The following MAP3K21 variants were observed in gnomAD, a reference collection of about 807,000 sequenced individuals.
The protein encoded by MAP3K21 is mitogen-activated protein kinase kinase kinase MLK4.
In MAP3K21, 63 loss-of-function variants were observed where a neutral mutation model predicts 86.1. The ratio of observed to expected loss-of-function variants is 0.73; its 90% CI spans 0.60 to 0.90. MAP3K21 has a LOEUF of 0.90. MAP3K21 is among the 40% of genes least tolerant of loss of function. The pLI, the probability that MAP3K21 is intolerant of heterozygous loss-of-function variation, is 0.00. For missense variants in MAP3K21, 1,220 were observed against 1,367.7 expected, an observed-to-expected ratio of 0.89 and a Z score of 1.70; for synonymous variants, 558 against 564.8, an observed-to-expected ratio of 0.99 and a Z score of 0.17.
intron 1 of MAP3K21, among the ~76,000 whole-genome samples, chr1:233,331,532 T>A (rs1292454503): frequency 6.6e-6 from 1 of 152,234 alleles, no homozygotes; most frequent in Non-Finnish European, 1.5e-5. Context: ...TATTGCAGTA[T>A]GTTTTGTTTG....
chr1:233,372,430 A>G (rs1028051382), intron 6 of MAP3K21: 8 of 420,916 alleles, frequency 1.9e-5, no homozygotes, highest in African/African-American at 1.0e-4. Context: ...ATCTCGAGAC[A>G]TTCTGTTAAA....
chr1:233,344,182 T>C (rs1663089689), intron 1 of MAP3K21, among the ~76,000 whole-genome samples: 1 of 152,096 alleles, frequency 6.6e-6, no homozygotes, highest in African/African-American at 2.4e-5. Context: ...TTCAATGCCA[T>C]CCCCATCAAG....
rs1163879980 is a variant in MAP3K21 at position 233,346,634 on chromosome 1, C to T, written c.986+12C>T. On this transcript the variant is annotated intron_variant, in intron 2 of 9. Coordinates refer to ENST00000366624, the MANE Select transcript of MAP3K21 (RefSeq NM_032435.3). ...AGCGACATCTGGAGGTGAGCCTTTC[C>T]TTTTGCAAACATCGGCAGAAACTGC... The T allele has an allele frequency of 6.2e-7, 1 of 1,611,292 alleles. No homozygotes were observed. Among genetic ancestry groups the T allele is most frequent in the Non-Finnish European group, 8.5e-7 (1 of 1,178,614 alleles).
chr1:233,366,723 C>T (rs1294254), intron 5 of MAP3K21, among the ~76,000 whole-genome samples: 118,509 of 152,178 alleles, frequency 0.78, 46,256 homozygotes, highest in East Asian at 1. Flanking sequence ...CTTTCAAAAA[C>T]TTGGTATTAA....
chr1:233,382,115 T>C (rs921740135), intron 9 of MAP3K21, among the ~76,000 whole-genome samples, 190 bp from the exon 10 acceptor site: 9 of 152,246 alleles, frequency 5.9e-5, no homozygotes, highest in South Asian at 2.1e-4. Flanking sequence ...GCAGAGTTCC[T>C]TGGTCCTTAA....
chr1:233,353,984 TG>T (rs762984534), intron 3 of MAP3K21, 29 bp downstream of exon 3: 10 of 1,440,172 alleles, frequency 6.9e-6, no homozygotes, highest in South Asian at 1.6e-5. Flanking sequence ...TGTGTCTTTG[TG>T]GGGGCAAGAA....
Position 233,328,049 on chromosome 1 carries a change from G to T in MAP3K21, c.21G>T (p.Ala7=), listed in dbSNP as rs1474857590. ...CCCCCATGGCTTTGCGGGGCGCCGC[G>T]GGAGCGACCGACACCCCGGTGTCCT... is the stretch of plus-strand genomic sequence containing the variant. MALRGA[A]GATDTPVSSA... The change falls in exon 1 of 10, where the codon GCG becomes GCT. Residue 7 remains alanine (A), a synonymous_variant. Transcript: ENST00000366624. The surrounding 1 kb of genome is among the most constrained non-coding windows in gnomAD (Gnocchi z 8.7). 7.6e-7 allele frequency: 1 copy of T among 1,319,826 alleles called. No individual in the cohort carries two copies. Among genetic ancestry groups the T allele is most frequent in the South Asian group, 2.1e-5 (1 of 48,516 alleles). The allele number at this position is 1,319,826 out of a possible 1,614,324, so 81.8% of individuals were successfully genotyped here.
At position 233,375,901 on chromosome 1, in the gene MAP3K21, TA is replaced by T; in HGVS notation, c.1676-13del. 5 of 1,602,938 alleles carry T rather than the reference TA, an allele frequency of 3.1e-6. No individual in the cohort carries two copies. Among genetic ancestry groups the T allele is most frequent in the Non-Finnish European group, 4.3e-6 (5 of 1,171,030 alleles). On this transcript the variant is annotated splice_polypyrimidine_tract_variant and intron_variant, in intron 6 of 9. Transcript: ENST00000366624. The stretch of plus-strand genomic sequence containing the variant: ...TGATTGTTGTGGTTAATATGGTTAA[TA>T]ATGTTCTTTTTAGTGACTTCAGATG...
intron 1 of MAP3K21, among the ~76,000 whole-genome samples, chr1:233,340,569 G>A (rs887375462): frequency 9.9e-5 from 15 of 152,050 alleles, no homozygotes; most frequent in African/African-American, 1.4e-4. Context: ...TAGTGAGTGG[G>A]GTATGTGTCC....
At chr1:233,332,707 A>ATGGTT (rs755222635) in intron 1 of MAP3K21, among the ~76,000 whole-genome samples, 3 of 152,226 alleles carry the variant, frequency 2.0e-5, no homozygotes, top group Admixed American at 1.3e-4. Context: ...ATTCCCAAGG[A>ATGGTT]TGGTTTGAAA....
chr1:233,375,239 GC>G (rs910152728), intron 6 of MAP3K21, among the ~76,000 whole-genome samples: 4 of 152,238 alleles, frequency 2.6e-5, no homozygotes, highest in African/African-American at 9.6e-5. Flanking sequence ...ATGGCGCCTG[GC>G]CCCAAATCAC....
intron 4 of MAP3K21, among the ~76,000 whole-genome samples, chr1:233,358,588 A>C (rs569746750): frequency 1.3e-5 from 2 of 152,234 alleles, no homozygotes; most frequent in South Asian, 4.1e-4. Context: ...AGAAAGAAAT[A>C]AAGCTTCAAA....
intron 2 of MAP3K21, among the ~76,000 whole-genome samples, chr1:233,352,870 A>T (rs1200276496): frequency 3.9e-5 from 6 of 152,248 alleles, no homozygotes; most frequent in Non-Finnish European, 7.3e-5. Context: ...GTTTTGAAGA[A>T]GAATAAGAGA....
chr1:233,372,104 G>T lies in MAP3K21; in HGVS notation c.1619G>T (p.Ser540Ile), dbSNP rs989907220. 6.2e-7 allele frequency: 1 copy of T among 1,614,044 alleles called. No homozygotes were observed. The highest frequency in any genetic ancestry group is 1.3e-5 in the African/African-American group (1 of 74,926). The change falls in exon 6 of 10, where the codon AGC becomes ATC. Residue 540 changes from serine to isoleucine, a missense_variant. Ser to Ile is a moderately radical substitution (Grantham distance 142, BLOSUM62 -2). Around this residue, in one of 5 missense-constraint regions of MAP3K21, gnomAD observed 632 missense variants for 691.3 expected, o/e 0.91. Transcript: ENST00000366624. ...GACAAACGGCGGAGCCTGAACAGCAGCAGTTCCAGTCCCCCGAGCAGCCCC... is the reference window on the plus strand; with the variant it reads ...GACAAACGGCGGAGCCTGAACAGCATCAGTTCCAGTCCCCCGAGCAGCCCC... ...NLDKRRSLNS[S>I]SSSPPSSPTM... is the part of the protein sequence containing the mutation.
chr1:233,360,320 C>T (rs887439599), intron 4 of MAP3K21, among the ~76,000 whole-genome samples: 8 of 151,778 alleles, frequency 5.3e-5, no homozygotes, highest in African/African-American at 1.9e-4. Context: ...AACATTTTCC[C>T]CTTTTTTTCA....
rs111980548 is a variant in MAP3K21 at position 233,382,927 on chromosome 1, C to T, written c.*216C>T. On this transcript the variant is annotated 3_prime_UTR_variant, in exon 10 of 10. Coordinates refer to ENST00000366624, the MANE Select transcript of MAP3K21 (RefSeq NM_032435.3). Reference sequence around the variant, plus strand: ...GATTCTTTTCTTATAACTTGGAATACACAAAAGTGTAAAACAAGAGATGTG... The same window carrying T: ...GATTCTTTTCTTATAACTTGGAATATACAAAAGTGTAAAACAAGAGATGTG... 3.1e-3 allele frequency: 1,567 copies of T among 499,004 alleles called. 22 individuals are homozygous for T. Among genetic ancestry groups the T allele is most frequent in the African/African-American group, 0.028 (1,454 of 52,272 alleles). The allele number at this position is 499,004 out of a possible 1,614,324, so 30.9% of individuals were successfully genotyped here.
chr1:233,369,167 G>A (rs978045464), intron 5 of MAP3K21, among the ~76,000 whole-genome samples: 3 of 148,170 alleles, frequency 2.0e-5, no homozygotes, highest in Non-Finnish European at 4.4e-5. Context: ...GCTTCCTAAC[G>A]GAGTTCGAAA....
rs1185006519 is a variant in MAP3K21, at chr1:233,354,907, G to C, written c.1207G>C (p.Gly403Arg). The C allele has an allele frequency of 1.9e-6, 3 of 1,613,610 alleles. 1 individual carries two copies. The South Asian group carries it at 3.3e-5, about 18-fold the overall frequency. ...TCTCGAACAGTTGACTGCTATTGAA[G>C]GGGCAGTGATGACTGAGATGCCTCA... ...LILEQLTAIEGAVMTEMPQES... is the reference protein window; with the variant it reads ...LILEQLTAIERAVMTEMPQES... Residue 403 changes from glycine (G) to arginine (R), a missense_variant, in exon 4 of 10, where the codon GGG (glycine) becomes CGG (arginine). By Grantham distance (125) the Gly-to-Arg change is moderately radical (BLOSUM62 -2). Around this residue, in one of 5 missense-constraint regions of MAP3K21, gnomAD observed 126 missense variants for 127.7 expected, o/e 0.99. Transcript: ENST00000366624.
Position 233,378,886 on chromosome 1 carries a change from G to T in MAP3K21, c.1925-45G>T, listed in dbSNP as rs201689273. 9.0e-4 allele frequency: 1,176 copies of T among 1,300,582 alleles called. 4 individuals carry two copies. Among genetic ancestry groups the T allele is most frequent in the Middle Eastern group, 4.0e-3 (19 of 4,748 alleles). 80.6% of individuals were successfully genotyped at this position (1,300,582 alleles called of 1,614,324 possible). The stretch of plus-strand genomic sequence containing the variant: ...TTACAATCTTGTTTAAATGACTTTT[G>T]CTGTAAAATGATACTACAGTGTATG... On this transcript the variant is annotated intron_variant, in intron 8 of 9. Coordinates refer to ENST00000366624, the MANE Select transcript of MAP3K21 (RefSeq NM_032435.3).
Sources: allele counts gnomAD v4.1 joint callset (sites outside exome capture counted in the v4.1 genomes callset), GRCh38; gene constraint gnomAD v4.1.1; regional missense constraint gnomAD v4.1.1; non-coding constraint Gnocchi (gnomAD v3.1); transcripts MANE v1.5; gene names NCBI Gene and HGNC (gene_info 2026-07-23, HGNC 2026-07-21).